IKZF2: variants seen among roughly 807,000 people sequenced by gnomAD.
The protein encoded by IKZF2 is IKAROS family zinc finger 2, also known as zinc finger protein Helios.
IKZF2 carries 15 observed loss-of-function variants against 49.2 expected under a neutral mutation model. The ratio of observed to expected loss-of-function variants is 0.30; its 90% confidence interval spans 0.20 to 0.47. The LOEUF (loss-of-function observed/expected upper bound fraction) is 0.47. IKZF2 is among the 20% of genes least tolerant of loss of function. IKZF2 has a pLI of 1.00. For synonymous variants in IKZF2, 227 were observed against 221.4 expected, an observed-to-expected ratio of 1.03 and a Z score of -0.23; for missense variants, 567 against 664.6, an observed-to-expected ratio of 0.85 and a Z score of 1.61.
chr2:213,112,485 G>C (rs960396199), intron 4 of IKZF2, among the ~76,000 whole-genome samples: 3 of 148,060 alleles, frequency 2.0e-5, no homozygotes, highest in African/African-American at 7.5e-5. Context: ...TTTTAAGACA[G>C]GGTCTCACCC....
intron 7 of IKZF2, chr2:213,014,876 T>A (rs1871945): frequency 1.3e-5 from 2 of 151,904 alleles, no homozygotes; most frequent in Admixed American, 1.3e-4. Flanking sequence ...TTGTTTATTG[T>A]TGCTTTCTCC....
chr2:213,040,244 T>G (rs955296022), intron 6 of IKZF2, among the ~76,000 whole-genome samples: 42 of 29,832 alleles, frequency 1.4e-3, no homozygotes, highest in African/African-American at 3.7e-3. Flanking sequence ...GTGTCATGGG[T>G]TTTTTTTTTT....
At chr2:213,127,188 A>T (rs1191655255) in intron 4 of IKZF2, among the ~76,000 whole-genome samples, 1 of 152,224 alleles carries the variant, frequency 6.6e-6, no homozygotes, top group Non-Finnish European at 1.5e-5. Context: ...ATTAGCTATG[A>T]AAACTGTAAA....
chr2:213,030,820 T>C (rs1698338646), intron 6 of IKZF2, among the ~76,000 whole-genome samples: 1 of 149,860 alleles, frequency 6.7e-6, no homozygotes, highest in East Asian at 1.9e-4. Context: ...TTCTTTTTTT[T>C]TTTTTTTTGT....
intron 6 of IKZF2, among the ~76,000 whole-genome samples, chr2:213,023,833 T>C (rs894913952): frequency 2.6e-5 from 4 of 152,186 alleles, no homozygotes; most frequent in African/African-American, 9.6e-5. Flanking sequence ...TCCCTGGTAT[T>C]AGTCCCATCA....
chr2:213,064,479 T>G (rs962849914), intron 4 of IKZF2, among the ~76,000 whole-genome samples: 1 of 152,010 alleles, frequency 6.6e-6, no homozygotes, highest in Admixed American at 6.6e-5. Flanking sequence ...TCCTGCACAC[T>G]CCATGAAACC....
chr2:213,067,188 TG>T (rs887340265), intron 4 of IKZF2, among the ~76,000 whole-genome samples: 20 of 152,128 alleles, frequency 1.3e-4, no homozygotes, highest in Admixed American at 2.0e-4. Flanking sequence ...TAAATAAAAT[TG>T]TATAAACAAT....
intron 8 of IKZF2, among the ~76,000 whole-genome samples, chr2:213,009,896 C>T (rs1201599086): frequency 2.6e-5 from 4 of 152,006 alleles, no homozygotes; most frequent in Admixed American, 2.6e-4. Flanking sequence ...AAGAGGGCAT[C>T]ACTTATAAAG....
intron 4 of IKZF2, among the ~76,000 whole-genome samples, chr2:213,130,682 G>T (rs938855417): frequency 6.6e-6 from 1 of 152,098 alleles, no homozygotes; most frequent in African/African-American, 2.4e-5. Flanking sequence ...TCATTAAATT[G>T]CTACTAAAAA....
At chr2:213,062,460 T>C (rs1057138235) in intron 4 of IKZF2, among the ~76,000 whole-genome samples, 1 of 151,892 alleles carries the variant, frequency 6.6e-6, no homozygotes, top group Admixed American at 6.6e-5. Context: ...CTTATTTTTG[T>C]TTAGTTGCCA....
At chr2:213,118,130 C>T in intron 4 of IKZF2, among the ~76,000 whole-genome samples, 1 of 152,116 alleles carries the variant, frequency 6.6e-6, no homozygotes, top group South Asian at 2.1e-4. Context: ...TCCAACACAC[C>T]AGGCTTTCCT....
chr2:213,025,617 C>T (rs571118310), intron 6 of IKZF2, among the ~76,000 whole-genome samples: 50 of 152,230 alleles, frequency 3.3e-4, no homozygotes, highest in African/African-American at 1.1e-3. Flanking sequence ...ACACAGGAGA[C>T]AATATATATT....
chr2:213,143,707 C>A (rs1221328030), intron 4 of IKZF2, among the ~76,000 whole-genome samples: 1 of 151,832 alleles, frequency 6.6e-6, no homozygotes, highest in African/African-American at 2.4e-5. Flanking sequence ...AGGGTGACTG[C>A]CAAACTAAGC....
Position 213,000,886 on chromosome 2 carries a change from AG to A in IKZF2, c.*6473del, listed in dbSNP as rs1433628920. 6.6e-6 allele frequency: 1 copy of A among 151,588 alleles called. No homozygotes were observed. Among genetic ancestry groups the A allele is most frequent in the African/African-American group, 2.4e-5 (1 of 41,404 alleles). The allele number at this position is 151,588 out of a possible 1,614,324, so 9.4% of individuals were successfully genotyped here. ...CTTTAGGACACATTTTTCAAGCAAA[AG>A]ATTACTAATTTCCATGGAAATTTAG... On this transcript the variant is annotated 3_prime_UTR_variant, in exon 9 of 9. Transcript: ENST00000434687.
At chr2:213,037,805 A>C (rs996418193) in intron 6 of IKZF2, among the ~76,000 whole-genome samples, 3 of 152,098 alleles carry the variant, frequency 2.0e-5, no homozygotes, top group Non-Finnish European at 4.4e-5. Flanking sequence ...GAAGGAAAGG[A>C]GGGGCTAAGG....
intron 4 of IKZF2, among the ~76,000 whole-genome samples, chr2:213,086,224 C>T (rs1340138731): frequency 6.6e-6 from 1 of 152,104 alleles, no homozygotes; most frequent in African/African-American, 2.4e-5. Flanking sequence ...AAATATAACT[C>T]CATGTGAGCA....
rs139633982 is a variant in IKZF2 at position 213,007,632 on chromosome 2, T to G, written c.1309A>C (p.Met437Leu). 24 of 1,613,630 alleles carry G rather than the reference T, an allele frequency of 1.5e-5. No individual in the cohort carries two copies. Among genetic ancestry groups the G allele is most frequent in the Non-Finnish European group, 1.9e-5 (22 of 1,179,744 alleles). The change falls in exon 9 of 9, where the codon ATG (methionine) becomes CTG (leucine). Residue 437 changes from methionine (M) to leucine (L), a missense_variant. This residue lies in a region of IKZF2 where 310 missense variants were observed against 326.9 expected (regional missense o/e 0.95). Transcript: ENST00000434687. ...NPKRKQSPAY[M>L]KEDVKALDTT... ...TCCAAAGCTTTGACATCCTCCTTCA[T>G]GTAAGCTGGGCTTTGTTTCCTCTTG...
At chr2:213,008,123 A>AC (rs1379921732) in intron 8 of IKZF2, 39 bp from the exon 9 acceptor site, 1 of 1,510,122 alleles carries the variant, frequency 6.6e-7, no homozygotes. Flanking sequence ...AAAAAAAAAA[A>AC]AAAAATACAA....
At chr2:213,069,489 C>T (rs111237568) in intron 4 of IKZF2, among the ~76,000 whole-genome samples, 1 of 152,094 alleles carries the variant, frequency 6.6e-6, no homozygotes. Context: ...TTTCACACTC[C>T]TAGCAGGTTG....
Sources: allele counts gnomAD v4.1 joint callset (sites outside exome capture counted in the v4.1 genomes callset), GRCh38; gene constraint gnomAD v4.1.1; regional missense constraint gnomAD v4.1.1; transcripts MANE v1.5; gene names NCBI Gene and HGNC (gene_info 2026-07-23, HGNC 2026-07-21).